LRRC4C: variants seen among roughly 807,000 people sequenced by gnomAD.
LRRC4C encodes leucine rich repeat containing 4C.
A neutral mutation model predicts 33.6 loss-of-function variants in LRRC4C; 5 were observed. That is an observed-to-expected ratio of 0.15 (90% CI 0.08 to 0.31). LRRC4C has a LOEUF of 0.31. Among genes scored for constraint, LRRC4C ranks in the 10% least tolerant of loss-of-function variants. The pLI, the probability that LRRC4C is intolerant of heterozygous loss-of-function variation, is 1.00. For synonymous variants in LRRC4C, 329 were observed against 302.0 expected (o/e 1.09, Z -0.93); for missense variants, 560 against 796.7 (o/e 0.70, Z 3.58).
At chr11:40,365,176 A>T (rs1352453214) in intron 3 of LRRC4C, among the ~76,000 whole-genome samples, 2 of 151,956 alleles carry the variant, frequency 1.3e-5, no homozygotes, top group Non-Finnish European at 2.9e-5. Flanking sequence ...TTTTAGAAAC[A>T]TTCCATAAGA....
chr11:40,850,023 A>G (rs1430147262), intron 2 of LRRC4C, among the ~76,000 whole-genome samples: 1 of 151,854 alleles, frequency 6.6e-6, no homozygotes, highest in African/African-American at 2.4e-5. Context: ...CTAGTTAGAA[A>G]TTCCTCTAAC....
At chr11:40,799,698 G>T (rs1005911007) in intron 2 of LRRC4C, among the ~76,000 whole-genome samples, 4 of 152,134 alleles carry the variant, frequency 2.6e-5, no homozygotes, top group African/African-American at 9.7e-5. Flanking sequence ...TTGAATTCCT[G>T]CCTCAAGTGA....
chr11:40,331,225 T>C (rs1223246565), intron 3 of LRRC4C, among the ~76,000 whole-genome samples: 1 of 152,150 alleles, frequency 6.6e-6, no homozygotes, highest in Admixed American at 6.5e-5. Context: ...TATGGAGGTT[T>C]CTCCAAAAGC....
chr11:41,269,396 C>T (rs1026493146), intron 1 of LRRC4C, among the ~76,000 whole-genome samples: 4 of 151,952 alleles, frequency 2.6e-5, no homozygotes, highest in Non-Finnish European at 4.4e-5. Flanking sequence ...AGAGTTCAAG[C>T]CACAGAGAGA....
chr11:41,082,667 G>T (rs1384050262), intron 1 of LRRC4C, among the ~76,000 whole-genome samples: 1 of 152,100 alleles, frequency 6.6e-6, no homozygotes. Flanking sequence ...ATTTACGCAG[G>T]TCTGTTTGCT....
intron 3 of LRRC4C, among the ~76,000 whole-genome samples, chr11:40,420,006 A>G (rs946610088): frequency 6.6e-6 from 1 of 152,212 alleles, no homozygotes; most frequent in African/African-American, 2.4e-5. Flanking sequence ...AGAGCAGAAA[A>G]CCTTCAAAAG....
intron 4 of LRRC4C, among the ~76,000 whole-genome samples, chr11:40,295,949 TA>T (rs1390568133): frequency 6.6e-6 from 1 of 152,234 alleles, no homozygotes; most frequent in African/African-American, 2.4e-5. Context: ...CTAGCTGCAC[TA>T]GATAGCTTCA....
intron 1 of LRRC4C, among the ~76,000 whole-genome samples, chr11:41,157,872 C>T (rs1056584442): frequency 6.6e-6 from 1 of 151,888 alleles, no homozygotes; most frequent in Non-Finnish European, 1.5e-5. Context: ...GTATCCATCC[C>T]CCAAGCGTTT....
At chr11:40,553,490 TC>T (rs1396008854) in intron 3 of LRRC4C, among the ~76,000 whole-genome samples, 2 of 152,208 alleles carry the variant, frequency 1.3e-5, no homozygotes, top group African/African-American at 4.8e-5. Flanking sequence ...ATTGTCACTA[TC>T]ATAGAAACTA....
chr11:40,233,547 C>A lies in LRRC4C; in HGVS notation c.-96+7972G>T, dbSNP rs535860845. Among the ~76,000 whole-genome samples, 4 of 152,090 alleles carry A rather than the reference C, an allele frequency of 2.6e-5. No individual in the cohort carries two copies. The East Asian group carries it at 7.7e-4, about 29-fold the overall frequency. ...AGCTGATATTTTGATGCAAATGATA[C>A]AAAAACAGTATTTTTTTAAAAAAGA... On this transcript the variant is annotated intron_variant, in intron 5 of 6. Transcript: ENST00000528697.
At chr11:40,532,023 C>A (rs1351971377) in intron 3 of LRRC4C, among the ~76,000 whole-genome samples, 1 of 146,156 alleles carries the variant, frequency 6.8e-6, no homozygotes, top group East Asian at 2.0e-4. Context: ...ATCTTGCTAG[C>A]CTTTTTATAT....
At chr11:40,615,858 C>CA (rs1430861675) in intron 3 of LRRC4C, among the ~76,000 whole-genome samples, 1 of 151,664 alleles carries the variant, frequency 6.6e-6, no homozygotes, top group Non-Finnish European at 1.5e-5. Flanking sequence ...ATGTTGGGCA[C>CA]ATAGGTGTTC....
chr11:40,873,009 G>A (rs953007047), intron 2 of LRRC4C, among the ~76,000 whole-genome samples: 1 of 152,094 alleles, frequency 6.6e-6, no homozygotes, highest in African/African-American at 2.4e-5. Context: ...TGATGCAGAT[G>A]AGGGGAAAAA....
At chr11:40,221,130 C>T (rs1431056870) in intron 5 of LRRC4C, among the ~76,000 whole-genome samples, 1 of 152,056 alleles carries the variant, frequency 6.6e-6, no homozygotes, top group South Asian at 2.1e-4. Context: ...CATACCTTGG[C>T]CTCCCAGAGT....
intron 2 of LRRC4C, among the ~76,000 whole-genome samples, chr11:40,876,518 T>C (rs1336272061): frequency 6.6e-6 from 1 of 152,112 alleles, no homozygotes; most frequent in African/African-American, 2.4e-5. Flanking sequence ...AGATTGCATT[T>C]GTTGAGCAGG....
chr11:40,408,131 T>G (rs1365070287), intron 3 of LRRC4C, among the ~76,000 whole-genome samples: 1 of 152,002 alleles, frequency 6.6e-6, no homozygotes, highest in Non-Finnish European at 1.5e-5. Context: ...AGATTCCTAC[T>G]GAAGCTCTTT....
intron 1 of LRRC4C, among the ~76,000 whole-genome samples, chr11:41,425,379 T>C (rs1461773157): frequency 2.0e-5 from 3 of 152,082 alleles, no homozygotes; most frequent in African/African-American, 7.2e-5. Context: ...GATTTTCTGG[T>C]AAGGGACTAT....
chr11:40,295,236 T>C (rs1944451382), intron 4 of LRRC4C, among the ~76,000 whole-genome samples: 1 of 152,184 alleles, frequency 6.6e-6, no homozygotes, highest in Non-Finnish European at 1.5e-5. Flanking sequence ...TTTCAGTTAA[T>C]CTATGGGCAT....
At chr11:41,415,686 A>C (rs188406902) in intron 1 of LRRC4C, among the ~76,000 whole-genome samples, 18 of 152,212 alleles carry the variant, frequency 1.2e-4, no homozygotes, top group African/African-American at 3.9e-4. Flanking sequence ...TTGGATTTTT[A>C]TGAGATGTTG....
Sources: allele counts gnomAD v4.1 joint callset (sites outside exome capture counted in the v4.1 genomes callset), GRCh38; gene constraint gnomAD v4.1.1; transcripts MANE v1.5; gene names NCBI Gene and HGNC (gene_info 2026-07-23, HGNC 2026-07-21).